The following HDAC2 variants were observed in gnomAD, a reference collection of about 807,000 sequenced individuals.
HDAC2 encodes histone deacetylase 2.
A neutral mutation model predicts 68.5 loss-of-function variants in HDAC2; 5 were observed. The ratio of observed to expected loss-of-function variants is 0.07; its 90% confidence interval spans 0.04 to 0.15. HDAC2 has a LOEUF of 0.15. HDAC2 is among the 10% of genes least tolerant of loss of function. The probability of loss-of-function intolerance (pLI) is 1.00; values close to 1 mark genes in which losing one functional copy is unlikely to be tolerated. For missense variants in HDAC2, 291 were observed against 600.8 expected, an observed-to-expected ratio of 0.48 and a Z score of 5.39; for synonymous variants, 182 against 191.3, an observed-to-expected ratio of 0.95 and a Z score of 0.40.
chr6:113,944,619 T>C (rs1776226154), intron 10 of HDAC2, among the ~76,000 whole-genome samples: 1 of 152,128 alleles, frequency 6.6e-6, no homozygotes, highest in African/African-American at 2.4e-5. Flanking sequence ...TGCCTCAGCC[T>C]CTGCGCGTTA....
At chr6:113,942,553 C>G (rs1295905797) in intron 12 of HDAC2, among the ~76,000 whole-genome samples, 2 of 151,822 alleles carry the variant, frequency 1.3e-5, no homozygotes, top group Non-Finnish European at 2.9e-5. Context: ...AACAGGTTAA[C>G]TAAAACGTGT....
rs954398851 is a variant in HDAC2, at chr6:113,937,498, T to C, written c.*3560A>G. The C allele has an allele frequency of 3.3e-5, 5 of 152,182 alleles. No homozygotes were observed. The highest frequency in any genetic ancestry group is 1.2e-4 in the African/African-American group (5 of 41,426). 9.4% of individuals were successfully genotyped at this position (152,182 alleles called of 1,614,324 possible). A position where few individuals can be genotyped will look rare whatever the true frequency, so the allele number is the denominator to read the frequency against. On this transcript the variant is annotated 3_prime_UTR_variant, in exon 14 of 14. Coordinates refer to ENST00000519065, the MANE Select transcript of HDAC2 (RefSeq NM_001527.4). ...CATTAAATGAATTAAAGAGCTTTAC[T>C]TGAGTTAATATCTTAGTTTACCAAA...
Position 113,939,303 on chromosome 6 carries a change from G to A in HDAC2, c.*1755C>T, listed in dbSNP as rs1156914391. The stretch of plus-strand genomic sequence containing the variant: ...GATCATCATGGTAGACGGGAGGCAT[G>A]GTGGGAGGGGGGCGAGGGATAAAAG... On this transcript the variant is annotated 3_prime_UTR_variant, in exon 14 of 14. Transcript: ENST00000519065. 1 of 152,250 alleles carries A rather than the reference G, an allele frequency of 6.6e-6. No individual in the cohort carries two copies. Among genetic ancestry groups the A allele is most frequent in the Non-Finnish European group, 1.5e-5 (1 of 68,110 alleles). 9.4% of individuals were successfully genotyped at this position (152,250 alleles called of 1,614,324 possible).
intron 1 of HDAC2, among the ~76,000 whole-genome samples, chr6:113,964,392 C>T (rs1271228733): frequency 6.6e-6 from 1 of 152,134 alleles, no homozygotes; most frequent in Non-Finnish European, 1.5e-5. Context: ...CTCCTTGAGA[C>T]ATTCGGAGCC....
chr6:113,970,640 G>T, intron 1 of HDAC2: 1 of 1,348,530 alleles, frequency 7.4e-7, no homozygotes, highest in Non-Finnish European at 9.5e-7. Context: ...AGACAAGACG[G>T]GCGGGCCCCC....
intron 6 of HDAC2, among the ~76,000 whole-genome samples, chr6:113,950,284 G>C (rs151051243): frequency 6.6e-6 from 1 of 152,188 alleles, no homozygotes; most frequent in African/African-American, 2.4e-5. Flanking sequence ...ATTTCTGTGT[G>C]TGTATACGTA....
intron 1 of HDAC2, among the ~76,000 whole-genome samples, chr6:113,968,987 T>A (rs1285693398): frequency 3.9e-5 from 6 of 152,190 alleles, no homozygotes; most frequent in Admixed American, 3.3e-4. Context: ...CCACTTTCCC[T>A]AACCAAAATT....
chr6:113,960,032 G>C lies in HDAC2; in HGVS notation c.53-14C>G. 1 of 1,212,630 alleles carries C rather than the reference G, an allele frequency of 8.2e-7. No homozygotes were observed. Among genetic ancestry groups the C allele is most frequent in the Non-Finnish European group, 1.2e-6 (1 of 814,346 alleles). The allele number at this position is 1,212,630 out of a possible 1,614,324, so 75.1% of individuals were successfully genotyped here. A position where few individuals can be genotyped will look rare whatever the true frequency, so the allele number is the denominator to read the frequency against. ...TTCCAATATCACCTAAAATAGAAAA[G>C]ACACAAACTAAACAATACAGACAAG... On this transcript the variant is annotated splice_polypyrimidine_tract_variant and intron_variant, in intron 1 of 13. Coordinates refer to ENST00000519065, the MANE Select transcript of HDAC2 (RefSeq NM_001527.4).
At position 113,940,791 on chromosome 6, in the gene HDAC2, A is replaced by C. The variant is rs893618452; in HGVS notation, c.*267T>G. On this transcript the variant is annotated 3_prime_UTR_variant, in exon 14 of 14. Coordinates refer to ENST00000519065, the MANE Select transcript of HDAC2 (RefSeq NM_001527.4). The stretch of plus-strand genomic sequence containing the variant: ...GCTCAGAAAGGCCAATTACTTCTTT[A>C]ATAGATCAGTTTTTTTGACATAATA... The C allele has an allele frequency of 8.7e-5, 29 of 331,586 alleles. No homozygotes were observed. The highest frequency in any genetic ancestry group is 8.4e-4 in the Middle Eastern group (1 of 1,186). 20.5% of individuals were successfully genotyped at this position (331,586 alleles called of 1,614,324 possible). A position where few individuals can be genotyped will look rare whatever the true frequency, so the allele number is the denominator to read the frequency against.
intron 10 of HDAC2, 106 bp from the exon 11 acceptor site, chr6:113,944,516 C>A: frequency 1.1e-6 from 1 of 902,382 alleles, no homozygotes; most frequent in Non-Finnish European, 1.7e-6. Context: ...TCTAGCTAAA[C>A]CTATATATTA....
intron 1 of HDAC2, among the ~76,000 whole-genome samples, chr6:113,969,177 C>G (rs1361218286): frequency 6.6e-6 from 1 of 152,144 alleles, no homozygotes; most frequent in African/African-American, 2.4e-5. Flanking sequence ...TTTCCATCTC[C>G]ACCCCTCCAC....
At chr6:113,957,899 T>C (rs767989617) in intron 3 of HDAC2, among the ~76,000 whole-genome samples, 2 of 151,758 alleles carry the variant, frequency 1.3e-5, no homozygotes, top group Non-Finnish European at 2.9e-5. Flanking sequence ...GGAATCTTCA[T>C]TGAAAAAAAA....
intron 1 of HDAC2, among the ~76,000 whole-genome samples, chr6:113,962,154 A>T (rs1161817634): frequency 6.6e-6 from 1 of 152,156 alleles, no homozygotes; most frequent in African/African-American, 2.4e-5. Flanking sequence ...AGTACTTCAC[A>T]TATCTTTTAA....
At chr6:113,955,012 T>C (rs1776515194) in intron 5 of HDAC2, among the ~76,000 whole-genome samples, 1 of 152,200 alleles carries the variant, frequency 6.6e-6, no homozygotes, top group African/African-American at 2.4e-5. Flanking sequence ...GTTAGGCAGT[T>C]AGACTAACTC....
chr6:113,935,503 AG>A lies in HDAC2; in HGVS notation c.*5554del, dbSNP rs1775982337. 6.6e-6 allele frequency: 1 copy of A among 152,242 alleles called. No individual in the cohort carries two copies. The highest frequency in any genetic ancestry group is 2.4e-5 in the African/African-American group (1 of 41,468). The allele number at this position is 152,242 out of a possible 1,614,324, so 9.4% of individuals were successfully genotyped here. A position where few individuals can be genotyped will look rare whatever the true frequency, so the allele number is the denominator to read the frequency against. On this transcript the variant is annotated 3_prime_UTR_variant, in exon 14 of 14. Transcript: ENST00000519065. ...AAGAAACAAAAAAGATGACTAGTAG[AG>A]GATACAAGAGAAGCTGGAAGCTACT...
chr6:113,937,092 C>G lies in HDAC2; in HGVS notation c.*3966G>C, dbSNP rs988947241. 1.3e-5 allele frequency: 2 copies of G among 152,092 alleles called. No homozygotes were observed. The highest frequency in any genetic ancestry group is 2.9e-5 in the Non-Finnish European group (2 of 68,014). 9.4% of individuals were successfully genotyped at this position (152,092 alleles called of 1,614,324 possible). On this transcript the variant is annotated 3_prime_UTR_variant, in exon 14 of 14. Transcript: ENST00000519065. ...CCTATTAAGTAGGGACTATTATTTTCCTCATTTTAAATGATGAAGCAACTG... is the reference window on the plus strand; with the variant it reads ...CCTATTAAGTAGGGACTATTATTTTGCTCATTTTAAATGATGAAGCAACTG...
At chr6:113,959,788 T>C (rs1353346069) in intron 2 of HDAC2, 118 bp downstream of exon 2, 2 of 612,572 alleles carry the variant, frequency 3.3e-6, no homozygotes, top group Non-Finnish European at 5.9e-6. Flanking sequence ...GTTTGTTTTC[T>C]TCCAGATCTT....
intron 8 of HDAC2, 191 bp downstream of exon 8, chr6:113,948,788 G>A (rs1392625828): frequency 1.3e-5 from 7 of 545,390 alleles, no homozygotes; most frequent in Non-Finnish European, 2.2e-5. Flanking sequence ...TTGTATAAAT[G>A]TATATATAAA....
chr6:113,949,605 C>T (rs1051256750), intron 6 of HDAC2, among the ~76,000 whole-genome samples: 1 of 152,106 alleles, frequency 6.6e-6, no homozygotes, highest in African/African-American at 2.4e-5. Context: ...TTTAAGATGA[C>T]AAGGCAACTT....
Sources: allele counts gnomAD v4.1 joint callset (sites outside exome capture counted in the v4.1 genomes callset), GRCh38; gene constraint gnomAD v4.1.1; transcripts MANE v1.5; gene names NCBI Gene and HGNC (gene_info 2026-07-23, HGNC 2026-07-21).